Variants in CPO observed in about 807,000 individuals in gnomAD.
The protein encoded by CPO is carboxypeptidase O, also known as metallocarboxypeptidase C.
A neutral mutation model predicts 41.2 loss-of-function variants in CPO; 43 were observed. The ratio of observed to expected loss-of-function variants is 1.04; its 90% CI spans 0.82 to 1.35. The LOEUF (loss-of-function observed/expected upper bound fraction) is 1.35, where lower values mean the gene tolerates loss of function less well. Ranked by LOEUF, CPO falls within the 40% of genes most tolerant of loss-of-function variation. CPO has a pLI of 0.00. For missense variants in CPO, 408 were observed against 451.7 expected (o/e 0.90, Z 0.88); for synonymous variants, 178 against 162.7 (o/e 1.09, Z -0.72).
At chr2:206,968,142 G>A (rs752629060) in intron 7 of CPO, 121 bp from the exon 8 acceptor site, 93 of 720,302 alleles carry the variant, frequency 1.3e-4, no homozygotes, top group South Asian at 1.3e-3. Flanking sequence ...GTAGATGTCC[G>A]ATGGGAAGTT....
At chr2:206,945,034 A>G (rs750807299) in intron 1 of CPO, among the ~76,000 whole-genome samples, 1 of 152,112 alleles carries the variant, frequency 6.6e-6, no homozygotes, top group Non-Finnish European at 1.5e-5. Flanking sequence ...GTATTTTAAC[A>G]CTTACTAGGA....
intron 1 of CPO, among the ~76,000 whole-genome samples, chr2:206,946,984 T>C (rs1432980744): frequency 2.0e-5 from 3 of 152,178 alleles, no homozygotes; most frequent in Non-Finnish European, 4.4e-5. Flanking sequence ...GGAAAGTCCA[T>C]GTTCACAGAC....
At chr2:206,950,461 C>T (rs71455822) in intron 2 of CPO, among the ~76,000 whole-genome samples, 2,214 of 152,200 alleles carry the variant, frequency 0.015, 61 homozygotes, top group African/African-American at 0.051. Context: ...GAAATAGGAA[C>T]GCTTTTACAC....
intron 6 of CPO, among the ~76,000 whole-genome samples, 190 bp from the exon 7 acceptor site, chr2:206,962,222 T>G (rs777929793): frequency 2.0e-5 from 3 of 152,192 alleles, no homozygotes; most frequent in African/African-American, 4.8e-5. Context: ...TCTGCTATTC[T>G]GAGTTCCTTC....
chr2:206,939,540 C>A lies in CPO; in HGVS notation c.-60C>A. 3 of 1,371,546 alleles carry A rather than the reference C, an allele frequency of 2.2e-6. No individual in the cohort carries two copies. The highest frequency in any genetic ancestry group is 3.1e-6 in the Non-Finnish European group (3 of 962,710). 85.0% of individuals were successfully genotyped at this position (1,371,546 alleles called of 1,614,324 possible). ...GCCACAGTCTTGATGCATTCATTCT[C>A]AAGGACACTTGATCCACTGCCAGAG... On this transcript the variant is annotated 5_prime_UTR_variant, in exon 1 of 9. It introduces an in-frame stop codon into an upstream open reading frame of the 5' UTR. Coordinates refer to ENST00000272852, the MANE Select transcript of CPO (RefSeq NM_173077.3).
Position 206,958,357 on chromosome 2 carries a change from C to A in CPO, c.324C>A (p.His108Gln), listed in dbSNP as rs375384008. The change falls in exon 4 of 9, where the codon CAC becomes CAA. Residue 108 changes from histidine to glutamine, a missense_variant. Physicochemically the swap from His to Gln is conservative, Grantham distance 24. Coordinates refer to ENST00000272852, the MANE Select transcript of CPO (RefSeq NM_173077.3). Reference sequence around the variant, plus strand: ...TCATTTGGATGGACTGTGGAATTCACGCCAGAGAATGGATTGCTCCTGCTT... The same window carrying A: ...TCATTTGGATGGACTGTGGAATTCAAGCCAGAGAATGGATTGCTCCTGCTT... ...KKIIWMDCGIHAREWIAPAFC... is the reference protein window; with the variant it reads ...KKIIWMDCGIQAREWIAPAFC... 1 of 1,601,172 alleles carries A rather than the reference C, an allele frequency of 6.2e-7. No homozygotes were observed. The highest frequency in any genetic ancestry group is 8.5e-7 in the Non-Finnish European group (1 of 1,173,930).
At chr2:206,942,699 G>A (rs113187525) in intron 1 of CPO, among the ~76,000 whole-genome samples, 4 of 152,228 alleles carry the variant, frequency 2.6e-5, no homozygotes, top group African/African-American at 7.2e-5. Context: ...CATTTGATCA[G>A]TGAGATGAGA....
At chr2:206,939,746 G>A in intron 1 of CPO, 79 bp downstream of exon 1, 3 of 1,240,440 alleles carry the variant, frequency 2.4e-6, no homozygotes, top group South Asian at 2.6e-5. Context: ...TAAGACCAAT[G>A]CAGCTGGCTT....
intron 3 of CPO, among the ~76,000 whole-genome samples, chr2:206,957,569 A>G (rs1465626497): frequency 6.6e-6 from 1 of 152,192 alleles, no homozygotes; most frequent in Admixed American, 6.5e-5. Flanking sequence ...GGTTTTCAAC[A>G]AATAGCCTTG....
intron 1 of CPO, among the ~76,000 whole-genome samples, chr2:206,948,542 T>C (rs918938135): frequency 2.0e-5 from 3 of 152,094 alleles, no homozygotes; most frequent in East Asian, 1.9e-4. Context: ...GGCAGGAGGA[T>C]TGCTTGAGGC....
intron 1 of CPO, among the ~76,000 whole-genome samples, chr2:206,942,759 G>A (rs2105817483): frequency 6.6e-6 from 1 of 152,228 alleles, no homozygotes; most frequent in African/African-American, 2.4e-5. Flanking sequence ...CTCTCTACAT[G>A]TTTTATGCAT....
At chr2:206,944,359 G>A (rs1205441998) in intron 1 of CPO, among the ~76,000 whole-genome samples, 2 of 151,756 alleles carry the variant, frequency 1.3e-5, no homozygotes, top group African/African-American at 4.8e-5. Flanking sequence ...ATCATCTTTT[G>A]TAAAGCAAGC....
At position 206,969,335 on chromosome 2, in the gene CPO, G is replaced by A; in HGVS notation, c.1024G>A (p.Asp342Asn). ...ETMEAVLSVL[D>N]DVYAKHWHSD... ...CATGGAGGCTGTGCTGTCAGTCCTG[G>A]ATGATGTGTATGCGAAACACTGGCA... Residue 342 changes from aspartate (D) to asparagine (N), a missense_variant, in exon 9 of 9, where the codon GAT becomes AAT. Physicochemically the swap from Asp to Asn is conservative, Grantham distance 23. Coordinates refer to ENST00000272852, the MANE Select transcript of CPO (RefSeq NM_173077.3). The A allele has an allele frequency of 1.9e-6, 3 of 1,614,058 alleles. No individual in the cohort carries two copies. Among genetic ancestry groups the A allele is most frequent in the South Asian group, 2.2e-5 (2 of 91,072 alleles).
At chr2:206,942,658 A>G (rs1480261471) in intron 1 of CPO, among the ~76,000 whole-genome samples, 1 of 152,148 alleles carries the variant, frequency 6.6e-6, no homozygotes, top group Non-Finnish European at 1.5e-5. Flanking sequence ...ATTCCTGTTC[A>G]AAAAGAATAC....
intron 5 of CPO, among the ~76,000 whole-genome samples, chr2:206,960,382 T>C (rs1428821506): frequency 6.6e-6 from 1 of 152,208 alleles, no homozygotes; most frequent in Non-Finnish European, 1.5e-5. Flanking sequence ...GCTTGTCTGA[T>C]GACACTTGTC....
intron 7 of CPO, among the ~76,000 whole-genome samples, chr2:206,963,780 G>A (rs1279720458): frequency 6.6e-6 from 1 of 151,880 alleles, no homozygotes; most frequent in African/African-American, 2.4e-5. Context: ...TCACCTTTTG[G>A]CTATTACGAA....
At chr2:206,950,624 C>T (rs370536518) in intron 2 of CPO, among the ~76,000 whole-genome samples, 1 of 152,168 alleles carries the variant, frequency 6.6e-6, no homozygotes, top group Non-Finnish European at 1.5e-5. Context: ...AAGACACATG[C>T]ACATGTATGT....
At chr2:206,968,791 G>GC (rs758835830) in intron 8 of CPO, among the ~76,000 whole-genome samples, 7 of 152,236 alleles carry the variant, frequency 4.6e-5, no homozygotes, top group Non-Finnish European at 1.0e-4. Flanking sequence ...CCCTCTATGA[G>GC]CCCCCCTCTA....
chr2:206,953,242 A>G (rs1693298411), intron 2 of CPO, among the ~76,000 whole-genome samples: 1 of 152,210 alleles, frequency 6.6e-6, no homozygotes, highest in Non-Finnish European at 1.5e-5. Context: ...CCACAGTTGA[A>G]AGTCTCATCT....
Sources: gnomAD v4.1 joint callset for allele counts (sites outside exome capture counted in the v4.1 genomes callset) on GRCh38, gnomAD v4.1.1 for gene constraint, MANE v1.5 for transcripts, NCBI Gene and HGNC (gene_info 2026-07-23, HGNC 2026-07-21) for gene names.